The following UBE2R2 variants were observed in gnomAD, a reference collection of about 807,000 sequenced individuals.
UBE2R2 encodes the protein ubiquitin conjugating enzyme E2 R2.
In UBE2R2, 1 loss-of-function variant was observed where a neutral mutation model predicts 27.8. The ratio of observed to expected loss-of-function variants is 0.04; its 90% CI spans 0.01 to 0.17. The LOEUF is 0.17. Ranked by LOEUF, UBE2R2 falls within the 10% of genes least tolerant of loss-of-function variation. The probability of loss-of-function intolerance (pLI) is 1.00; values close to 1 mark genes in which losing one functional copy is unlikely to be tolerated. For synonymous variants in UBE2R2, 106 were observed against 113.3 expected (o/e 0.94, Z 0.41); for missense variants, 100 against 291.0 (o/e 0.34, Z 4.78).
intron 1 of UBE2R2, 139 bp downstream of exon 1, chr9:33,818,073 TC>T: frequency 1.2e-6 from 1 of 859,038 alleles, no homozygotes; most frequent in Non-Finnish European, 1.6e-6. Flanking sequence ...CCCTCCCCCA[TC>T]CCTGGAGGCA....
chr9:33,824,408 G>A (rs978180221), intron 1 of UBE2R2, among the ~76,000 whole-genome samples: 4 of 151,994 alleles, frequency 2.6e-5, no homozygotes, highest in Non-Finnish European at 4.4e-5. Flanking sequence ...AGGCCGAGGC[G>A]GGCGGATCAC....
At chr9:33,863,586 T>C (rs1271484813) in intron 1 of UBE2R2, among the ~76,000 whole-genome samples, 2 of 152,066 alleles carry the variant, frequency 1.3e-5, no homozygotes, top group African/African-American at 2.4e-5. Flanking sequence ...TTAGAAAGAA[T>C]ATAATTGATG....
chr9:33,890,681 G>A lies in UBE2R2; in HGVS notation c.264+3714G>A, dbSNP rs141764573. 7.9e-3 allele frequency among the ~76,000 whole-genome samples: 1,204 copies of A among 152,128 alleles called. 13 individuals carry two copies. The highest frequency in any genetic ancestry group is 0.027 in the African/African-American group (1,102 of 41,484). ...AAAAATTAGCCAGGCGCAGTGGCAGGTGCCTGTAATCCCAGCTACTCAGGA... is the reference window on the plus strand; with the variant it reads ...AAAAATTAGCCAGGCGCAGTGGCAGATGCCTGTAATCCCAGCTACTCAGGA... On this transcript the variant is annotated intron_variant, in intron 2 of 4. Transcript: ENST00000263228.
At chr9:33,895,836 G>A (rs866770132) in intron 2 of UBE2R2, among the ~76,000 whole-genome samples, 1 of 130,378 alleles carries the variant, frequency 7.7e-6, no homozygotes, top group South Asian at 2.4e-4. Flanking sequence ...GCAGTGGCTC[G>A]TACTCAGCTC....
At chr9:33,864,806 C>A (rs1363071261) in intron 1 of UBE2R2, among the ~76,000 whole-genome samples, 2 of 151,178 alleles carry the variant, frequency 1.3e-5, no homozygotes, top group Non-Finnish European at 1.5e-5. Context: ...CTCACTGCAA[C>A]CTCCGCCTCC....
chr9:33,857,606 G>A (rs1587449059), intron 1 of UBE2R2, among the ~76,000 whole-genome samples: 1 of 152,162 alleles, frequency 6.6e-6, no homozygotes, highest in Non-Finnish European at 1.5e-5. Context: ...GTGAGCCACC[G>A]TGACCAAGTG....
chr9:33,878,010 G>C (rs111531864), intron 1 of UBE2R2, among the ~76,000 whole-genome samples: 2 of 151,858 alleles, frequency 1.3e-5, no homozygotes, highest in African/African-American at 2.4e-5. Flanking sequence ...GCCCACCTCA[G>C]CCTCCCAAAG....
rs1388733872 is a variant in UBE2R2 at position 33,860,946 on chromosome 9, G to A, written c.178-25935G>A. Among the ~76,000 whole-genome samples the A allele has an allele frequency of 5.7e-5, 3 of 52,794 alleles. No homozygotes were observed. In the Admixed American group the frequency reaches 8.2e-4, roughly 14 times the overall value. The allele number at this position is 52,794 out of a possible 152,430, so 34.6% of individuals were successfully genotyped here. On this transcript the variant is annotated intron_variant, in intron 1 of 4. Coordinates refer to ENST00000263228, the MANE Select transcript of UBE2R2 (RefSeq NM_017811.4). ...TTAACCCTGTGTTAAGTTTTTTTTTGTTTGTTTGTTTGTTTTTTGTTTTTT... is the reference window on the plus strand; with the variant it reads ...TTAACCCTGTGTTAAGTTTTTTTTTATTTGTTTGTTTGTTTTTTGTTTTTT...
chr9:33,822,443 A>G (rs1226833265), intron 1 of UBE2R2, among the ~76,000 whole-genome samples: 3 of 125,078 alleles, frequency 2.4e-5, no homozygotes, highest in South Asian at 5.0e-4. Flanking sequence ...TTTTTTTTTT[A>G]AGAGATAGGG....
chr9:33,837,465 G>A (rs976433378), intron 1 of UBE2R2, among the ~76,000 whole-genome samples: 1 of 142,456 alleles, frequency 7.0e-6, no homozygotes, highest in Non-Finnish European at 1.5e-5. Context: ...TTGCTCTGCT[G>A]CCTAAGCTGG....
chr9:33,839,081 CAA>C (rs71943200), intron 1 of UBE2R2, among the ~76,000 whole-genome samples: 16,958 of 128,120 alleles, frequency 0.13, 1,016 homozygotes, highest in African/African-American at 0.13. Flanking sequence ...GGCACTGTCT[CAA>C]AAAAAAAAAA....
intron 1 of UBE2R2, among the ~76,000 whole-genome samples, chr9:33,857,665 T>C (rs1216331351): frequency 6.6e-6 from 1 of 152,240 alleles, no homozygotes; most frequent in African/African-American, 2.4e-5. Flanking sequence ...TAAACTATAC[T>C]TGAAAGTCAT....
At chr9:33,838,600 G>A (rs969664490) in intron 1 of UBE2R2, among the ~76,000 whole-genome samples, 1 of 152,082 alleles carries the variant, frequency 6.6e-6, no homozygotes. Context: ...CCAGAACTTC[G>A]GGAGGCTGAG....
chr9:33,897,263 C>T (rs1822132754), intron 2 of UBE2R2, among the ~76,000 whole-genome samples: 2 of 149,656 alleles, frequency 1.3e-5, no homozygotes, highest in South Asian at 4.2e-4. Context: ...GTCTCAATCT[C>T]CTGACCTCGT....
intron 1 of UBE2R2, among the ~76,000 whole-genome samples, chr9:33,859,013 A>G (rs1440519295): frequency 6.6e-6 from 1 of 151,886 alleles, no homozygotes; most frequent in African/African-American, 2.4e-5. Context: ...TTTAGTAGAG[A>G]CAGGGTTTCA....
intron 1 of UBE2R2, among the ~76,000 whole-genome samples, chr9:33,870,507 C>T (rs1821464282): frequency 1.3e-5 from 2 of 151,916 alleles, no homozygotes; most frequent in Non-Finnish European, 1.5e-5. Context: ...GATGAGGGTA[C>T]ATTAAATTAA....
intron 1 of UBE2R2, among the ~76,000 whole-genome samples, chr9:33,860,200 C>T (rs1397602722): frequency 1.3e-5 from 2 of 151,872 alleles, no homozygotes; most frequent in Non-Finnish European, 2.9e-5. Flanking sequence ...GAAAACCTTC[C>T]TGACAGGCAA....
At chr9:33,893,780 C>T (rs1468321608) in intron 2 of UBE2R2, among the ~76,000 whole-genome samples, 2 of 151,926 alleles carry the variant, frequency 1.3e-5, no homozygotes, top group Non-Finnish European at 2.9e-5. Context: ...TACAGGTGTG[C>T]ACCACCACGC....
intron 1 of UBE2R2, among the ~76,000 whole-genome samples, chr9:33,842,745 A>G (rs762560160): frequency 6.6e-6 from 1 of 152,152 alleles, no homozygotes; most frequent in Non-Finnish European, 1.5e-5. Flanking sequence ...TGTAGTGTAG[A>G]TTAATCACTT....
Sources: allele counts gnomAD v4.1 joint callset (sites outside exome capture counted in the v4.1 genomes callset), GRCh38; gene constraint gnomAD v4.1.1; transcripts MANE v1.5; gene names NCBI Gene and HGNC (gene_info 2026-07-23, HGNC 2026-07-21).